Variants in ADAM7 observed in about 807,000 individuals in gnomAD.
The protein encoded by ADAM7 is disintegrin and metalloproteinase domain-containing protein 7.
Under a neutral mutation model 102.9 loss-of-function variants are expected in ADAM7, and 97 were observed. The ratio of observed to expected loss-of-function variants is 0.94; its 90% CI spans 0.80 to 1.12. The LOEUF (loss-of-function observed/expected upper bound fraction) is 1.12, where lower values mean the gene tolerates loss of function less well. ADAM7 is among the 50% of genes most tolerant of loss of function. The pLI, the probability that ADAM7 is intolerant of heterozygous loss-of-function variation, is 0.00. For synonymous variants in ADAM7, 334 were observed against 304.4 expected (o/e 1.10, Z -1.01); for missense variants, 991 against 908.7 (o/e 1.09, Z -1.16).
At chr8:24,494,210 C>G (rs1406141197) in intron 16 of ADAM7, among the ~76,000 whole-genome samples, 1 of 152,052 alleles carries the variant, frequency 6.6e-6, no homozygotes, top group East Asian at 1.9e-4. Flanking sequence ...AAAAAAAGAA[C>G]TAGAACTAAA....
chr8:24,452,324 CT>C (rs996810253), intron 3 of ADAM7, among the ~76,000 whole-genome samples: 6 of 149,824 alleles, frequency 4.0e-5, no homozygotes, highest in African/African-American at 1.5e-4. Flanking sequence ...CTTTACGAAT[CT>C]GGGTGCTCCT....
intron 19 of ADAM7, among the ~76,000 whole-genome samples, chr8:24,501,132 G>T (rs765570298): frequency 2.0e-5 from 3 of 152,082 alleles, no homozygotes; most frequent in Non-Finnish European, 4.4e-5. Context: ...TACTGATGTG[G>T]GTTGAAGACA....
chr8:24,499,123 T>G (rs1194759242), intron 16 of ADAM7, 113 bp from the exon 17 acceptor site: 1 of 746,236 alleles, frequency 1.3e-6, no homozygotes, highest in African/African-American at 1.8e-5. Context: ...AAATTGAAAT[T>G]TTTCATATGT....
intron 2 of ADAM7, among the ~76,000 whole-genome samples, 178 bp downstream of exon 2, chr8:24,442,754 A>C (rs773116148): frequency 6.6e-6 from 1 of 152,202 alleles, no homozygotes; most frequent in Non-Finnish European, 1.5e-5. Flanking sequence ...AGAAAACAGA[A>C]AAGAGTAAAG....
intron 5 of ADAM7, 40 bp from the exon 6 acceptor site, chr8:24,466,759 T>C (rs1819439446): frequency 1.3e-6 from 2 of 1,567,812 alleles, no homozygotes; most frequent in African/African-American, 2.7e-5. Flanking sequence ...ATAGAGTAAT[T>C]ATAGGCCTTG....
intron 16 of ADAM7, among the ~76,000 whole-genome samples, chr8:24,495,276 C>G (rs535680758): frequency 9.2e-5 from 14 of 152,086 alleles, no homozygotes; most frequent in Non-Finnish European, 1.6e-4. Context: ...ATTGAAATGA[C>G]AAAAGACAAT....
intron 2 of ADAM7, among the ~76,000 whole-genome samples, chr8:24,443,995 A>G (rs1350243419): frequency 6.6e-6 from 1 of 151,326 alleles, no homozygotes; most frequent in Non-Finnish European, 1.5e-5. Context: ...TTATGAATAT[A>G]CCAGATAAGC....
chr8:24,486,338 G>A (rs752403230), intron 10 of ADAM7, among the ~76,000 whole-genome samples: 2 of 152,160 alleles, frequency 1.3e-5, no homozygotes, highest in African/African-American at 2.4e-5. Context: ...ATTCTTGCAT[G>A]GATTTGATAT....
intron 3 of ADAM7, among the ~76,000 whole-genome samples, chr8:24,457,262 T>G (rs1819068423): frequency 6.6e-6 from 1 of 152,168 alleles, no homozygotes; most frequent in Non-Finnish European, 1.5e-5. Flanking sequence ...TTTATTGGAT[T>G]GTTTGTCCTG....
rs78828906 is a variant in ADAM7 at position 24,445,585 on chromosome 8, T to C, written c.157-1601T>C. ...ACTGCTTACTCCTCTGCTCAAATCA[T>C]CTGCATTCATCAACAGCCTTAAATG... is the stretch of plus-strand genomic sequence containing the variant. On this transcript the variant is annotated intron_variant, in intron 2 of 21. Transcript: ENST00000175238. 2.0e-4 allele frequency among the ~76,000 whole-genome samples: 30 copies of C among 152,338 alleles called. No homozygotes were observed. The East Asian group carries it at 5.0e-3, about 25-fold the overall frequency.
chr8:24,469,316 A>T (rs1819530273), intron 7 of ADAM7, among the ~76,000 whole-genome samples: 2 of 152,192 alleles, frequency 1.3e-5, no homozygotes, highest in South Asian at 2.1e-4. Flanking sequence ...TGCCCATCTC[A>T]GAAAAGGGAA....
chr8:24,490,862 G>C lies in ADAM7; in HGVS notation c.1330G>C (p.Glu444Gln). The C allele has an allele frequency of 1.2e-6, 2 of 1,613,718 alleles. No individual in the cohort carries two copies. Among genetic ancestry groups the C allele is most frequent in the East Asian group, 4.5e-5 (2 of 44,868 alleles). The change falls in exon 13 of 22, where the codon GAA (glutamate) becomes CAA (glutamine). Residue 444 changes from glutamate (E) to glutamine (Q), a missense_variant. By Grantham distance (29) the Glu-to-Gln change is conservative (BLOSUM62 2). Coordinates refer to ENST00000175238, the MANE Select transcript of ADAM7 (RefSeq NM_003817.4). ...CVLKPGFTCA[E>Q]GECCESCQIK... Reference sequence around the variant, plus strand: ...ACTGAAGCCAGGATTTACTTGTGCAGAAGGAGAATGCTGTGAATCTTGTCA... The same window carrying C: ...ACTGAAGCCAGGATTTACTTGTGCACAAGGAGAATGCTGTGAATCTTGTCA...
At chr8:24,449,215 G>A (rs1585851154) in intron 3 of ADAM7, among the ~76,000 whole-genome samples, 1 of 152,172 alleles carries the variant, frequency 6.6e-6, no homozygotes, top group Non-Finnish European at 1.5e-5. Context: ...CCAGATCCCT[G>A]AGGAATTGCC....
At chr8:24,502,025 ATATAAAGAC>A (rs992271015) in intron 20 of ADAM7, among the ~76,000 whole-genome samples, 16 of 137,204 alleles carry the variant, frequency 1.2e-4, no homozygotes, top group Admixed American at 4.7e-4. Flanking sequence ...TCCACTAAAA[ATATAAAGAC>A]TAAAAAACAA....
At chr8:24,497,931 G>C (rs1398329900) in intron 16 of ADAM7, among the ~76,000 whole-genome samples, 1 of 151,874 alleles carries the variant, frequency 6.6e-6, no homozygotes. Flanking sequence ...TAATTGTTGG[G>C]ACCCTAAAAC....
intron 3 of ADAM7, among the ~76,000 whole-genome samples, chr8:24,459,590 A>G (rs1819167134): frequency 6.6e-6 from 1 of 151,870 alleles, no homozygotes; most frequent in Admixed American, 6.6e-5. Context: ...TGAGTATCTG[A>G]GACTGAAGCC....
chr8:24,485,755 T>C (rs1820120396), intron 10 of ADAM7, among the ~76,000 whole-genome samples: 1 of 152,204 alleles, frequency 6.6e-6, no homozygotes, highest in Non-Finnish European at 1.5e-5. Flanking sequence ...CTATATCATA[T>C]CAAGACAACC....
Position 24,468,764 on chromosome 8 carries a change from C to A in ADAM7, c.580-3C>A, listed in dbSNP as rs754113513. 2 of 1,612,732 alleles carry A rather than the reference C, an allele frequency of 1.2e-6. No individual in the cohort carries two copies. Among genetic ancestry groups the A allele is most frequent in the African/African-American group, 1.3e-5 (1 of 74,852 alleles). On this transcript the variant is annotated splice_region_variant and splice_polypyrimidine_tract_variant and intron_variant, in intron 6 of 21. Transcript: ENST00000175238. ...TTCAACTGAATTTTCCCTAACTTTA[C>A]AGGGCATCCATGATGAAAAGTATGT...
intron 16 of ADAM7, among the ~76,000 whole-genome samples, chr8:24,497,468 A>C (rs987554913): frequency 5.3e-5 from 8 of 152,218 alleles, no homozygotes; most frequent in Non-Finnish European, 8.8e-5. Context: ...TAATGTGGCC[A>C]GTAAACCACT....
Sources: allele counts gnomAD v4.1 joint callset (sites outside exome capture counted in the v4.1 genomes callset), GRCh38; gene constraint gnomAD v4.1.1; transcripts MANE v1.5; gene names NCBI Gene and HGNC (gene_info 2026-07-23, HGNC 2026-07-21).